CFAP61: variants seen among roughly 807,000 people sequenced by gnomAD.
CFAP61 encodes cilia- and flagella-associated protein 61.
CFAP61 carries 107 observed loss-of-function variants against 135.6 expected under a neutral mutation model. That is an observed-to-expected ratio of 0.79 (90% CI 0.67 to 0.93). The LOEUF is 0.93. Ranked by LOEUF, CFAP61 falls within the 40% of genes least tolerant of loss-of-function variation. CFAP61 has a pLI of 0.00. For synonymous variants in CFAP61, 575 were observed against 578.5 expected, an observed-to-expected ratio of 0.99 and a Z score of 0.09; for missense variants, 1,507 against 1,556.2, an observed-to-expected ratio of 0.97 and a Z score of 0.53.
At chr20:20,315,507 A>T (rs1403566257) in intron 25 of CFAP61, among the ~76,000 whole-genome samples, 1 of 152,068 alleles carries the variant, frequency 6.6e-6, no homozygotes, top group East Asian at 1.9e-4. Context: ...CTCTGATGGT[A>T]GTTTCTTTTG....
intron 7 of CFAP61, among the ~76,000 whole-genome samples, chr20:20,093,163 A>G (rs1421295602): frequency 1.3e-5 from 2 of 152,252 alleles, no homozygotes; most frequent in African/African-American, 4.8e-5. Context: ...TACATGCTAC[A>G]GCGTGTATGA....
intron 26 of CFAP61, among the ~76,000 whole-genome samples, chr20:20,358,054 G>GTGAGGGGAGGTGGTCACAC: frequency 2.0e-5 from 3 of 147,378 alleles, no homozygotes; most frequent in Admixed American, 6.7e-5. Flanking sequence ...TGGTCATAGT[G>GTGAGGGGAGGTGGTCACAC]TGAGGGGAGG....
At chr20:20,323,222 G>T in intron 25 of CFAP61, 1 of 985,418 alleles carries the variant, frequency 1.0e-6, no homozygotes, top group Non-Finnish European at 1.2e-6. Context: ...TTCAGCATGG[G>T]CATGAAAGGC....
rs112049625 is a variant in CFAP61, at chr20:20,253,643, G to A, written c.2328+1880G>A. On this transcript the variant is annotated intron_variant, in intron 20 of 26. Coordinates refer to ENST00000245957, the MANE Select transcript of CFAP61 (RefSeq NM_015585.4). ...TCCAGTCCCACTGTTTGGCCTGGAC[G>A]CACCTACCAACTCCACCTTTGTAAC... The A allele has an allele frequency of 6.7e-5, 30 of 450,602 alleles. No individual in the cohort carries two copies. The Middle Eastern group carries it at 2.5e-3, about 37-fold the overall frequency. The allele number at this position is 450,602 out of a possible 1,614,324, so 27.9% of individuals were successfully genotyped here.
intron 26 of CFAP61, among the ~76,000 whole-genome samples, chr20:20,345,885 T>C (rs2058611551): frequency 1.5e-5 from 1 of 65,490 alleles, no homozygotes; most frequent in Non-Finnish European, 3.1e-5. Context: ...TTGTGCCACT[T>C]TTTTTTTTTT....
Position 20,360,271 on chromosome 20 carries a change from CGACT to C in CFAP61, c.3578_3581del (p.Thr1193ArgfsTer76). On this transcript the variant is annotated frameshift_variant, in exon 27 of 27. Transcript: ENST00000245957. LOFTEE classifies it high-confidence loss of function. ...CAAATAGAAGATGAGGAAATCAACC[CGACT>C]GAGAAGCCCAGGCAATACCTCAAAA... 6.2e-7 allele frequency: 1 copy of C among 1,613,844 alleles called. No individual in the cohort carries two copies. Among genetic ancestry groups the C allele is most frequent in the East Asian group, 2.2e-5 (1 of 44,888 alleles).
At chr20:20,189,587 G>A (rs1019769555) in intron 14 of CFAP61, among the ~76,000 whole-genome samples, 6 of 152,216 alleles carry the variant, frequency 3.9e-5, no homozygotes, top group South Asian at 2.1e-4. Flanking sequence ...GTTCTTCACC[G>A]TCATCCCAGT....
intron 2 of CFAP61, among the ~76,000 whole-genome samples, chr20:20,064,712 A>G (rs971760184): frequency 1.3e-5 from 2 of 152,298 alleles, no homozygotes; most frequent in South Asian, 2.1e-4. Context: ...GTGGGCCATG[A>G]AACCACGGAG....
At chr20:20,298,686 G>A (rs537359775) in intron 25 of CFAP61, among the ~76,000 whole-genome samples, 1 of 152,174 alleles carries the variant, frequency 6.6e-6, no homozygotes, top group Non-Finnish European at 1.5e-5. Context: ...TTCCACACGG[G>A]GCTGCTAAGA....
At chr20:20,218,358 C>A (rs912298562) in intron 17 of CFAP61, among the ~76,000 whole-genome samples, 4 of 152,190 alleles carry the variant, frequency 2.6e-5, no homozygotes, top group African/African-American at 9.7e-5. Flanking sequence ...GTAAGAAGTG[C>A]CTTTCACCCT....
At chr20:20,075,287 G>C (rs750213925) in intron 5 of CFAP61, 31 bp downstream of exon 5, 3 of 1,605,424 alleles carry the variant, frequency 1.9e-6, no homozygotes, top group Non-Finnish European at 2.6e-6. Context: ...TCTGGTCCCC[G>C]GTAGCAAACA....
chr20:20,308,518 C>T (rs1050348784), intron 25 of CFAP61, among the ~76,000 whole-genome samples: 6 of 152,122 alleles, frequency 3.9e-5, no homozygotes, highest in African/African-American at 1.4e-4. Context: ...GGTCACTCTG[C>T]AGGCCTTGCA....
At chr20:20,113,966 C>CAAAAAAAAAA (rs11456473) in intron 8 of CFAP61, among the ~76,000 whole-genome samples, 1 of 94,572 alleles carries the variant, frequency 1.1e-5, no homozygotes, top group Non-Finnish European at 2.0e-5. Context: ...CATGAGAGCT[C>CAAAAAAAAAA]AAAAAAAAAA....
At chr20:20,186,207 C>G (rs2055485797) in intron 13 of CFAP61, among the ~76,000 whole-genome samples, 1 of 152,210 alleles carries the variant, frequency 6.6e-6, no homozygotes, top group African/African-American at 2.4e-5. Flanking sequence ...CCAACAATCA[C>G]TAACCCACTT....
chr20:20,299,512 A>G (rs1048739187), intron 25 of CFAP61, among the ~76,000 whole-genome samples: 6 of 152,256 alleles, frequency 3.9e-5, no homozygotes, highest in African/African-American at 1.4e-4. Flanking sequence ...AGCCTCATTC[A>G]CCAAAATGGG....
intron 21 of CFAP61, among the ~76,000 whole-genome samples, chr20:20,275,318 T>A (rs2053668224): frequency 6.6e-6 from 1 of 152,250 alleles, no homozygotes; most frequent in South Asian, 2.1e-4. Context: ...TGGTTTGCTA[T>A]GCAGCATTAT....
At chr20:20,195,832 CA>C (rs559159009) in intron 15 of CFAP61, among the ~76,000 whole-genome samples, 50 of 152,230 alleles carry the variant, frequency 3.3e-4, no homozygotes, top group Non-Finnish European at 6.5e-4. Context: ...GTAATTCCAT[CA>C]TTTGGGAGGC....
chr20:20,291,726 G>A (rs2055010310), intron 24 of CFAP61, among the ~76,000 whole-genome samples: 1 of 152,224 alleles, frequency 6.6e-6, no homozygotes, highest in African/African-American at 2.4e-5. Flanking sequence ...CAGAAGCTGT[G>A]CAGTTGGGAA....
In CFAP61 at chr20:20,255,312, G is replaced by A. The variant is rs1055118864; in HGVS notation, c.2328+3549G>A. Among the ~76,000 whole-genome samples, 4 of 152,294 alleles carry A rather than the reference G, an allele frequency of 2.6e-5. No individual in the cohort carries two copies. In the South Asian group the frequency reaches 8.3e-4, roughly 32 times the overall value. On this transcript the variant is annotated intron_variant, in intron 20 of 26. Transcript: ENST00000245957. Reference sequence around the variant, plus strand: ...TGCCTTCCCCAGGCCTGGATTTGAGGAACCTCATAAAGAGGAAGAACAAAA... The same window carrying A: ...TGCCTTCCCCAGGCCTGGATTTGAGAAACCTCATAAAGAGGAAGAACAAAA...
Sources: gnomAD v4.1 joint callset for allele counts (sites outside exome capture counted in the v4.1 genomes callset) on GRCh38, gnomAD v4.1.1 for gene constraint, MANE v1.5 for transcripts, NCBI Gene and HGNC (gene_info 2026-07-23, HGNC 2026-07-21) for gene names.